Variants in CA8 observed in about 807,000 individuals in gnomAD.
CA8 encodes carbonic anhydrase 8 (inactive).
CA8 carries 22 observed loss-of-function variants against 41.4 expected under a neutral mutation model. The ratio of observed to expected loss-of-function variants is 0.53; its 90% confidence interval spans 0.38 to 0.76. The LOEUF is 0.76. CA8 is among the 30% of genes least tolerant of loss of function. The pLI is 0.00. For missense variants in CA8, 270 were observed against 352.8 expected (o/e 0.77, Z 1.88); for synonymous variants, 121 against 130.6 (o/e 0.93, Z 0.50).
At chr8:60,195,848 G>T (rs1806265319) in intron 8 of CA8, among the ~76,000 whole-genome samples, 1 of 152,096 alleles carries the variant, frequency 6.6e-6, no homozygotes, top group Non-Finnish European at 1.5e-5. Context: ...TCTCACTCAT[G>T]ACAGCATCGG....
chr8:60,263,633 C>T (rs2130589474), intron 3 of CA8, among the ~76,000 whole-genome samples: 1 of 152,294 alleles, frequency 6.6e-6, no homozygotes, highest in Non-Finnish European at 1.5e-5. Flanking sequence ...CTTGAGGTGG[C>T]CCTTGGTGGC....
chr8:60,205,026 C>T (rs889904940), intron 8 of CA8, among the ~76,000 whole-genome samples: 2 of 152,008 alleles, frequency 1.3e-5, no homozygotes, highest in Admixed American at 6.6e-5. Context: ...TATTATTAAC[C>T]GCAAAAGTAC....
intron 3 of CA8, among the ~76,000 whole-genome samples, chr8:60,250,877 A>G (rs1808417841): frequency 6.6e-6 from 1 of 152,178 alleles, no homozygotes; most frequent in African/African-American, 2.4e-5. Context: ...AAGAGCTTCC[A>G]TTCTTTGTCC....
chr8:60,269,000 T>A (rs985775326), intron 2 of CA8, among the ~76,000 whole-genome samples: 2 of 152,190 alleles, frequency 1.3e-5, no homozygotes, highest in East Asian at 3.8e-4. Flanking sequence ...TGGGTACCTT[T>A]CACTGTTGCT....
At chr8:60,246,343 A>G (rs1808236185) in intron 3 of CA8, among the ~76,000 whole-genome samples, 1 of 152,210 alleles carries the variant, frequency 6.6e-6, no homozygotes, top group Non-Finnish European at 1.5e-5. Context: ...CTCAGGCCAG[A>G]ATGCAGTGGC....
Position 60,187,123 on chromosome 8 carries a change from T to C in CA8, c.*2898A>G, listed in dbSNP as rs1805987068. On this transcript the variant is annotated 3_prime_UTR_variant, in exon 9 of 9. Transcript: ENST00000317995. ...CGATAAATTTAAGACTGAGATCATA[T>C]AAAGTATGTTTTCTGATCACAACAG... Among the ~76,000 whole-genome samples, 1 of 152,058 alleles carries C rather than the reference T, an allele frequency of 6.6e-6. No individual in the cohort carries two copies. The highest frequency in any genetic ancestry group is 2.1e-4 in the South Asian group (1 of 4,832).
chr8:60,201,685 T>A (rs1178856902), intron 8 of CA8, among the ~76,000 whole-genome samples: 2 of 152,200 alleles, frequency 1.3e-5, no homozygotes, highest in Non-Finnish European at 2.9e-5. Flanking sequence ...GCAGTCATAC[T>A]TTCATAATTT....
chr8:60,272,686 T>C (rs542640357), intron 2 of CA8, among the ~76,000 whole-genome samples: 5 of 152,344 alleles, frequency 3.3e-5, no homozygotes, highest in African/African-American at 1.2e-4. Flanking sequence ...TCCCTAAGAA[T>C]TTCCACCAAA....
chr8:60,229,621 C>A (rs1282473369), intron 4 of CA8, among the ~76,000 whole-genome samples: 1 of 152,172 alleles, frequency 6.6e-6, no homozygotes, highest in Non-Finnish European at 1.5e-5. Context: ...TCCACCTGAG[C>A]AAACCAACCC....
At chr8:60,260,760 T>C (rs1443394300) in intron 3 of CA8, among the ~76,000 whole-genome samples, 2 of 152,202 alleles carry the variant, frequency 1.3e-5, no homozygotes, top group African/African-American at 2.4e-5. Flanking sequence ...GTATCTAATC[T>C]TCAGAATGTT....
chr8:60,221,593 C>T (rs536788348), intron 7 of CA8, among the ~76,000 whole-genome samples: 6 of 152,036 alleles, frequency 3.9e-5, no homozygotes, highest in Non-Finnish European at 8.8e-5. Flanking sequence ...AGAACAGTCT[C>T]TTATAAGAAC....
At chr8:60,209,322 A>G (rs573244978) in intron 7 of CA8, among the ~76,000 whole-genome samples, 85 of 152,272 alleles carry the variant, frequency 5.6e-4, no homozygotes, top group Middle Eastern at 6.8e-3. Flanking sequence ...TGTCTCTACT[A>G]AAAATACAAA....
chr8:60,239,479 A>G (rs1297965791), intron 3 of CA8, among the ~76,000 whole-genome samples: 1 of 152,188 alleles, frequency 6.6e-6, no homozygotes, highest in African/African-American at 2.4e-5. Flanking sequence ...TAACACTAAC[A>G]ACAGCTGATG....
At chr8:60,253,294 A>G (rs991043033) in intron 3 of CA8, among the ~76,000 whole-genome samples, 2 of 152,160 alleles carry the variant, frequency 1.3e-5, no homozygotes, top group Non-Finnish European at 2.9e-5. Context: ...CTATTGTTAA[A>G]ATAGTTAAAA....
At chr8:60,271,300 C>A (rs890658876) in intron 2 of CA8, among the ~76,000 whole-genome samples, 1 of 151,648 alleles carries the variant, frequency 6.6e-6, no homozygotes, top group East Asian at 1.9e-4. Context: ...TATGACTGTA[C>A]TCCAGCGTGG....
At chr8:60,277,074 G>A (rs1585940706) in intron 2 of CA8, among the ~76,000 whole-genome samples, 1 of 148,314 alleles carries the variant, frequency 6.7e-6, no homozygotes, top group African/African-American at 2.5e-5. Flanking sequence ...GAGTCAAGAC[G>A]CACCATTGCA....
intron 2 of CA8, among the ~76,000 whole-genome samples, chr8:60,270,843 C>T (rs1046040123): frequency 6.6e-6 from 1 of 152,104 alleles, no homozygotes; most frequent in East Asian, 1.9e-4. Flanking sequence ...CATTTGAGGC[C>T]TTAAAAGCAA....
rs763754835 is a variant in CA8, at chr8:60,186,527, A to C, written c.*3494T>G. Among the ~76,000 whole-genome samples, 28 of 151,984 alleles carry C rather than the reference A, an allele frequency of 1.8e-4. No homozygotes were observed. Among genetic ancestry groups the C allele is most frequent in the Non-Finnish European group, 3.5e-4 (24 of 67,904 alleles). ...AGATACAAGACATGTGGAAAACAAA[A>C]AGTAAAATGGCAGACACAAATCCAA... On this transcript the variant is annotated 3_prime_UTR_variant, in exon 9 of 9. Coordinates refer to ENST00000317995, the MANE Select transcript of CA8 (RefSeq NM_004056.6).
intron 8 of CA8, among the ~76,000 whole-genome samples, chr8:60,205,770 A>G (rs1806557192): frequency 6.6e-6 from 1 of 152,202 alleles, no homozygotes. Flanking sequence ...TTTTTTAAAA[A>G]TCTGTCATTT....
Sources: allele counts gnomAD v4.1 joint callset (sites outside exome capture counted in the v4.1 genomes callset), GRCh38; gene constraint gnomAD v4.1.1; transcripts MANE v1.5; gene names NCBI Gene and HGNC (gene_info 2026-07-23, HGNC 2026-07-21).